Variants in TFCP2 observed in about 807,000 individuals in gnomAD.
TFCP2 encodes the protein alpha-globin transcription factor CP2.
A neutral mutation model predicts 73.4 loss-of-function variants in TFCP2; 33 were observed. The ratio of observed to expected loss-of-function variants is 0.45; its 90% CI spans 0.34 to 0.60. The LOEUF is 0.60. Ranked by LOEUF, TFCP2 falls within the 20% of genes least tolerant of loss-of-function variation. TFCP2 has a pLI of 0.01. For synonymous variants in TFCP2, 193 were observed against 211.6 expected, an observed-to-expected ratio of 0.91 and a Z score of 0.76; for missense variants, 352 against 604.0, an observed-to-expected ratio of 0.58 and a Z score of 4.37.
chr12:51,134,886 A>G (rs1052114429), intron 1 of TFCP2, among the ~76,000 whole-genome samples: 2 of 152,216 alleles, frequency 1.3e-5, no homozygotes, highest in Non-Finnish European at 1.5e-5. Flanking sequence ...AGGCAGGAGG[A>G]TCACTTGAGC....
Position 51,172,393 on chromosome 12 carries a change from G to T in TFCP2, c.30C>A (p.Ala10=). The part of the protein sequence containing the change: MAWALKLPL[A]DEVIESGLVQ... Reference sequence around the variant, plus strand: ...CCAACCCGGATTCAATCACTTCGTCGGCCAGAGGCAGCTTCAGAGCCCAGG... The same window carrying T: ...CCAACCCGGATTCAATCACTTCGTCTGCCAGAGGCAGCTTCAGAGCCCAGG... Residue 10 remains alanine (A), a synonymous_variant, in exon 1 of 15, where the codon GCC becomes GCA. Transcript: ENST00000257915. The T allele has an allele frequency of 1.9e-6, 3 of 1,614,046 alleles. No individual in the cohort carries two copies. The highest frequency in any genetic ancestry group is 2.5e-6 in the Non-Finnish European group (3 of 1,180,000).
At chr12:51,158,918 C>A (rs7964852) in intron 1 of TFCP2, among the ~76,000 whole-genome samples, 3,940 of 147,860 alleles carry the variant, frequency 0.027, 171 homozygotes, top group African/African-American at 0.094. Flanking sequence ...AATCACAGCA[C>A]TTTGGGAGGC....
chr12:51,162,040 T>C (rs1046639066), intron 1 of TFCP2, among the ~76,000 whole-genome samples: 3 of 151,914 alleles, frequency 2.0e-5, no homozygotes, highest in Admixed American at 2.0e-4. Flanking sequence ...AATAAAGATT[T>C]CACTAAAGGA....
intron 1 of TFCP2, among the ~76,000 whole-genome samples, chr12:51,149,653 G>A (rs531315388): frequency 6.6e-6 from 1 of 152,024 alleles, no homozygotes; most frequent in African/African-American, 2.4e-5. Flanking sequence ...AGGCCAGAGT[G>A]CAGTGGCACG....
At chr12:51,122,253 CTTTTTT>C (rs11347975) in intron 1 of TFCP2, among the ~76,000 whole-genome samples, 16 of 73,142 alleles carry the variant, frequency 2.2e-4, no homozygotes, top group African/African-American at 3.4e-4. Flanking sequence ...TTTTTCTTTT[CTTTTTT>C]TTTTTTTTTT....
At chr12:51,104,713 ATT>A (rs11308273) in intron 8 of TFCP2, among the ~76,000 whole-genome samples, 40 of 140,670 alleles carry the variant, frequency 2.8e-4, no homozygotes, top group Non-Finnish European at 2.7e-4. Context: ...ATAAAAAACA[ATT>A]TTTTTTTTTT....
At chr12:51,170,652 C>T (rs1941841137) in intron 1 of TFCP2, among the ~76,000 whole-genome samples, 2 of 151,238 alleles carry the variant, frequency 1.3e-5, no homozygotes, top group Non-Finnish European at 2.9e-5. Flanking sequence ...AGTAAAGATT[C>T]CTGAAGATGC....
chr12:51,128,755 T>C (rs1156304168), intron 1 of TFCP2, among the ~76,000 whole-genome samples: 1 of 152,196 alleles, frequency 6.6e-6, no homozygotes, highest in East Asian at 1.9e-4. Flanking sequence ...GGCTCAGTAG[T>C]ATGCAACAGG....
chr12:51,157,951 T>C (rs1008936370), intron 1 of TFCP2, among the ~76,000 whole-genome samples: 2 of 152,146 alleles, frequency 1.3e-5, no homozygotes, highest in African/African-American at 4.8e-5. Flanking sequence ...GTGCTGGGAT[T>C]ACAGGCATAA....
intron 12 of TFCP2, 137 bp from the exon 13 acceptor site, chr12:51,099,055 T>A: frequency 2.1e-6 from 2 of 930,998 alleles, no homozygotes; most frequent in Non-Finnish European, 3.2e-6. Flanking sequence ...CTCAACCACT[T>A]GCAGCTGTGT....
intron 1 of TFCP2, among the ~76,000 whole-genome samples, chr12:51,119,444 C>G (rs114458541): frequency 4.1e-4 from 63 of 152,292 alleles, no homozygotes; most frequent in African/African-American, 1.5e-3. Context: ...AAAGGTTTGG[C>G]AGTTTTTTAT....
intron 8 of TFCP2, among the ~76,000 whole-genome samples, chr12:51,105,128 C>T (rs1281786197): frequency 2.7e-5 from 4 of 150,686 alleles, no homozygotes; most frequent in African/African-American, 4.9e-5. Flanking sequence ...GAGTTTCACT[C>T]GTTTGCCCAG....
chr12:51,161,193 A>G (rs1941641238), intron 1 of TFCP2, among the ~76,000 whole-genome samples: 1 of 151,908 alleles, frequency 6.6e-6, no homozygotes, highest in African/African-American at 2.4e-5. Flanking sequence ...CCAGATATAC[A>G]CTCTTTGCAA....
chr12:51,159,433 G>C (rs534007197), intron 1 of TFCP2, among the ~76,000 whole-genome samples: 11 of 151,772 alleles, frequency 7.2e-5, no homozygotes, highest in Non-Finnish European at 1.5e-4. Context: ...CCGCCTCCCA[G>C]GTTCAAGCGA....
chr12:51,166,108 A>G (rs1005713980), intron 1 of TFCP2, among the ~76,000 whole-genome samples: 3 of 152,122 alleles, frequency 2.0e-5, no homozygotes, highest in Non-Finnish European at 4.4e-5. Context: ...TGAGGTCAGG[A>G]GTTTGAGACC....
At chr12:51,100,594 T>C (rs962471749) in intron 11 of TFCP2, among the ~76,000 whole-genome samples, 1 of 152,088 alleles carries the variant, frequency 6.6e-6, no homozygotes, top group Non-Finnish European at 1.5e-5. Flanking sequence ...GTCAGAAGGA[T>C]TGCTTGAGCT....
chr12:51,103,744 G>A lies in TFCP2; in HGVS notation c.986C>T (p.Thr329Ile). Reference sequence around the variant, plus strand: ...CAACCACTGCTGAGCTTCCTGAGGTGTGGTTGTTGGTAAGAGGTTCTGAAA... The same window carrying A: ...CAACCACTGCTGAGCTTCCTGAGGTATGGTTGTTGGTAAGAGGTTCTGAAA... ...PVTDNLLPTT[T>I]PQEAQQWLHR... Residue 329 changes from threonine (T) to isoleucine (I), a missense_variant, in exon 10 of 15, where the codon ACA becomes ATA. Thr to Ile is a moderately conservative substitution (Grantham distance 89). This residue lies in a region of TFCP2 where 194 missense variants were observed against 256.3 expected (regional missense o/e 0.76). Transcript: ENST00000257915. 3 of 1,613,798 alleles carry A rather than the reference G, an allele frequency of 1.9e-6. No individual in the cohort carries two copies. Among genetic ancestry groups the A allele is most frequent in the Non-Finnish European group, 2.5e-6 (3 of 1,179,912 alleles).
At chr12:51,171,970 T>G (rs1941872029) in intron 1 of TFCP2, among the ~76,000 whole-genome samples, 1 of 152,128 alleles carries the variant, frequency 6.6e-6, no homozygotes, top group South Asian at 2.1e-4. Context: ...GTAACCCTTC[T>G]TCACACAACG....
At chr12:51,110,717 A>G (rs1247705884) in intron 5 of TFCP2, among the ~76,000 whole-genome samples, 160 bp downstream of exon 5, 1 of 152,040 alleles carries the variant, frequency 6.6e-6, no homozygotes, top group African/African-American at 2.4e-5. Context: ...CAATTCAGAA[A>G]CTCCTCAATG....
Sources: gnomAD v4.1 joint callset for allele counts (sites outside exome capture counted in the v4.1 genomes callset) on GRCh38, gnomAD v4.1.1 for gene constraint, gnomAD v4.1.1 regional missense constraint, MANE v1.5 for transcripts, NCBI Gene and HGNC (gene_info 2026-07-23, HGNC 2026-07-21) for gene names.